Variants in CA4 observed in about 807,000 individuals in gnomAD.
CA4 encodes the protein carbonic anhydrase 4, also known as CA-IV.
CA4 carries 24 observed loss-of-function variants against 34.5 expected under a neutral mutation model. That is an observed-to-expected ratio of 0.70 (90% CI 0.50 to 0.98). The LOEUF (loss-of-function observed/expected upper bound fraction) is 0.98. Among genes scored for constraint, CA4 ranks in the 50% least tolerant of loss-of-function variants. The probability of loss-of-function intolerance (pLI) is 0.00; values close to 1 mark genes in which losing one functional copy is unlikely to be tolerated. For synonymous variants in CA4, 178 were observed against 170.6 expected, an observed-to-expected ratio of 1.04 and a Z score of -0.34; for missense variants, 394 against 396.7, an observed-to-expected ratio of 0.99 and a Z score of 0.06.
intron 7 of CA4, chr17:60,158,863 T>C: frequency 2.4e-6 from 1 of 417,798 alleles, no homozygotes; most frequent in Non-Finnish European, 4.4e-6. Context: ...AGCTACTGAA[T>C]CAGGAACTCT....
chr17:60,161,251 A>C (rs1193736736), downstream of CA4, among the ~76,000 whole-genome samples: 1 of 152,018 alleles, frequency 6.6e-6, no homozygotes, highest in Admixed American at 6.6e-5. Flanking sequence ...GGTCCAGGAC[A>C]CCAGAATGAG....
intron 1 of CA4, among the ~76,000 whole-genome samples, chr17:60,150,578 C>T (rs1429676796): frequency 7.0e-6 from 1 of 143,260 alleles, no homozygotes; most frequent in Non-Finnish European, 1.5e-5. Context: ...GAGGCTGAGG[C>T]CCGAGAATCG....
chr17:60,174,573 G>C (rs1280786485), downstream of CA4, among the ~76,000 whole-genome samples: 2 of 152,096 alleles, frequency 1.3e-5, no homozygotes, highest in African/African-American at 4.8e-5. Flanking sequence ...CTGGGTTTGT[G>C]ACTGCTGCAC....
downstream of CA4, among the ~76,000 whole-genome samples, chr17:60,164,256 C>T (rs955280067): frequency 7.0e-6 from 1 of 143,762 alleles, no homozygotes; most frequent in Non-Finnish European, 1.5e-5. Context: ...TCCTTCCTTC[C>T]GTCTTTCCGT....
At position 60,159,513 on chromosome 17, in the gene CA4, G is replaced by T; in HGVS notation, c.*89G>T. On this transcript the variant is annotated 3_prime_UTR_variant, in exon 8 of 8. Transcript: ENST00000300900. ...TTAGCCTTCCCAGGTGGGACTTTAG[G>T]CATGATTAAAATATGGACATATTTT... The T allele has an allele frequency of 1.6e-5, 23 of 1,408,164 alleles. No homozygotes were observed. In the South Asian group the frequency reaches 2.6e-4, roughly 16 times the overall value. The allele number at this position is 1,408,164 out of a possible 1,614,324, so 87.2% of individuals were successfully genotyped here.
At chr17:60,167,255 C>T (rs1325225541) in intron 5 of CA4, among the ~76,000 whole-genome samples, 3 of 152,264 alleles carry the variant, frequency 2.0e-5, no homozygotes, top group South Asian at 4.2e-4. Flanking sequence ...GTGCAGAAAT[C>T]GCCAGGCCAG....
chr17:60,178,966 A>T, the CA4 span: 396 of 334,682 alleles, frequency 1.2e-3, 3 homozygotes, highest in East Asian at 0.018. Flanking sequence ...GACAAGCACA[A>T]TTGAATTCTT....
intron 5 of CA4, among the ~76,000 whole-genome samples, chr17:60,169,064 T>G (rs568145052): frequency 6.6e-6 from 1 of 152,204 alleles, no homozygotes; most frequent in South Asian, 2.1e-4. Context: ...CTGGCCAACA[T>G]GGTGAAACCC....
At position 60,158,417 on chromosome 17, in the gene CA4, C is replaced by T. The variant is rs1199881654; in HGVS notation, c.715C>T (p.Arg239Trp). The T allele has an allele frequency of 7.4e-6, 12 of 1,614,046 alleles. No individual in the cohort carries two copies. Among genetic ancestry groups the T allele is most frequent in the Middle Eastern group, 1.7e-4 (1 of 6,060 alleles). ...TGAGAAGGTCGTCTGGACTGTGTTC[C>T]GGGAGCCCATTCAGCTTCACAGAGA... ...CDEKVVWTVF[R>W]EPIQLHREQI... is the part of the protein sequence containing the mutation. The change falls in exon 7 of 8, where the codon CGG becomes TGG. Residue 239 changes from arginine to tryptophan, a missense_variant. Arg to Trp is a moderately radical substitution (Grantham distance 101, BLOSUM62 -3). Transcript: ENST00000300900.
chr17:60,168,763 C>T (rs1213829950), intron 5 of CA4, among the ~76,000 whole-genome samples: 3 of 151,988 alleles, frequency 2.0e-5, no homozygotes, highest in Non-Finnish European at 4.4e-5. Flanking sequence ...CAGAGGACAC[C>T]ACGTGGCAGC....
Position 60,150,016 on chromosome 17 carries a change from C to G in CA4, c.-19C>G. ...GGTGCGCGACCCCCGGCTCAGAGGA[C>G]TCTTTGCTGTCCCGCAAGATGCGGA... On this transcript the variant is annotated 5_prime_UTR_variant, in exon 1 of 8. Transcript: ENST00000300900. The G allele has an allele frequency of 1.2e-6, 2 of 1,600,408 alleles. No individual in the cohort carries two copies. Among genetic ancestry groups the G allele is most frequent in the Non-Finnish European group, 1.7e-6 (2 of 1,177,306 alleles).
intron 1 of CA4, chr17:60,151,621 A>G (rs1224882471): frequency 1.3e-5 from 2 of 152,114 alleles, no homozygotes; most frequent in Admixed American, 6.5e-5. Flanking sequence ...GGTTTAAGTG[A>G]TTAGTGCGGT....
At chr17:60,173,472 CT>C (rs966232818), downstream of CA4, among the ~76,000 whole-genome samples, 3 of 152,358 alleles carry the variant, frequency 2.0e-5, no homozygotes, top group East Asian at 1.9e-4. Context: ...CCTAATCTCA[CT>C]TTATGAGGCA....
downstream of CA4, among the ~76,000 whole-genome samples, chr17:60,162,588 C>CAT (rs60948289): frequency 6.6e-6 from 1 of 150,956 alleles, no homozygotes; most frequent in Non-Finnish European, 1.5e-5. Flanking sequence ...CACACACACA[C>CAT]CAGCCTTCAC....
At chr17:60,178,762 C>T in the CA4 span, among the ~76,000 whole-genome samples, 7 of 152,372 alleles carry the variant, frequency 4.6e-5, no homozygotes, top group East Asian at 5.8e-4. Flanking sequence ...GAATCATTTG[C>T]ACACCTTCGT....
At chr17:60,164,190 T>TTTTC (rs746032042), downstream of CA4, among the ~76,000 whole-genome samples, 46 of 139,342 alleles carry the variant, frequency 3.3e-4, no homozygotes, top group African/African-American at 9.7e-4. Flanking sequence ...CTCTTTCTCT[T>TTTTC]TTTCTTTCTT....
downstream of CA4, among the ~76,000 whole-genome samples, chr17:60,171,512 A>G (rs2083910290): frequency 6.6e-6 from 1 of 152,216 alleles, no homozygotes; most frequent in Non-Finnish European, 1.5e-5. Flanking sequence ...TGTGGCCATG[A>G]TTTCTAGCAG....
the CA4 span, among the ~76,000 whole-genome samples, chr17:60,176,058 C>A: frequency 6.3e-4 from 96 of 152,200 alleles, no homozygotes; most frequent in Middle Eastern, 0.037. Context: ...TTAGGTGATC[C>A]ACCTGCTTTG....
downstream of CA4, among the ~76,000 whole-genome samples, chr17:60,171,973 C>T (rs1315121124): frequency 1.3e-5 from 2 of 152,266 alleles, no homozygotes; most frequent in East Asian, 3.9e-4. Flanking sequence ...TCCATGGCAT[C>T]AGCTAAGATG....
Sources: allele counts gnomAD v4.1 joint callset (sites outside exome capture counted in the v4.1 genomes callset), GRCh38; gene constraint gnomAD v4.1.1; transcripts MANE v1.5; gene names NCBI Gene and HGNC (gene_info 2026-07-23, HGNC 2026-07-21).